The following NRCAM variants were observed in gnomAD, a reference collection of about 807,000 sequenced individuals.
NRCAM encodes the protein neuronal cell adhesion molecule.
A neutral mutation model predicts 156.5 loss-of-function variants in NRCAM; 83 were observed. The observed-to-expected ratio is 0.53, with a 90% CI of 0.44 to 0.64. NRCAM has a LOEUF of 0.64. Ranked by LOEUF, NRCAM falls within the 30% of genes least tolerant of loss-of-function variation. The pLI, the probability that NRCAM is intolerant of heterozygous loss-of-function variation, is 0.00. For missense variants in NRCAM, 1,417 were observed against 1,597.3 expected (o/e 0.89, Z 1.92); for synonymous variants, 538 against 563.9 (o/e 0.95, Z 0.65).
chr7:108,201,504 A>G (rs1204542219), intron 13 of NRCAM, among the ~76,000 whole-genome samples: 1 of 152,246 alleles, frequency 6.6e-6, no homozygotes, highest in Admixed American at 6.5e-5. Flanking sequence ...TCTGTTGCAC[A>G]ATGTGAAAAT....
intron 2 of NRCAM, among the ~76,000 whole-genome samples, chr7:108,359,991 G>A (rs754250267): frequency 6.6e-6 from 1 of 152,054 alleles, no homozygotes; most frequent in Non-Finnish European, 1.5e-5. Flanking sequence ...AGCTGCTTTC[G>A]CTCAACATGG....
intron 2 of NRCAM, among the ~76,000 whole-genome samples, chr7:108,387,568 ACT>A (rs1300619262): frequency 1.3e-5 from 2 of 152,030 alleles, no homozygotes; most frequent in Admixed American, 1.3e-4. Flanking sequence ...TTATTTATTT[ACT>A]TTTTATTATT....
intron 1 of NRCAM, among the ~76,000 whole-genome samples, chr7:108,405,594 C>G (rs2099805016): frequency 6.6e-6 from 1 of 152,214 alleles, no homozygotes; most frequent in South Asian, 2.1e-4. Flanking sequence ...CTTTCTGACC[C>G]TGTTGTGGCA....
At chr7:108,341,357 C>G (rs185617944) in intron 2 of NRCAM, among the ~76,000 whole-genome samples, 1 of 152,222 alleles carries the variant, frequency 6.6e-6, no homozygotes, top group African/African-American at 2.4e-5. Context: ...CAGTCTTACT[C>G]TCCTGTCCCG....
chr7:108,155,101 T>TACACACACAC (rs58111040), intron 32 of NRCAM, among the ~76,000 whole-genome samples: 32 of 123,098 alleles, frequency 2.6e-4, no homozygotes, highest in Non-Finnish European at 4.2e-4. Context: ...TATATATATA[T>TACACACACAC]ACACACACAC....
At chr7:108,349,124 C>A (rs2099392368) in intron 2 of NRCAM, among the ~76,000 whole-genome samples, 1 of 152,070 alleles carries the variant, frequency 6.6e-6, no homozygotes, top group Non-Finnish European at 1.5e-5. Flanking sequence ...GTGACTACAG[C>A]CTAGAAACTG....
At chr7:108,170,216 A>T (rs1033951184) in intron 28 of NRCAM, among the ~76,000 whole-genome samples, 5 of 151,120 alleles carry the variant, frequency 3.3e-5, no homozygotes, top group Admixed American at 6.6e-5. Flanking sequence ...TTCCGACTTT[A>T]AAAAAAAAGG....
At chr7:108,418,898 A>G (rs1395044108) in intron 1 of NRCAM, among the ~76,000 whole-genome samples, 1 of 152,098 alleles carries the variant, frequency 6.6e-6, no homozygotes, top group African/African-American at 2.4e-5. Flanking sequence ...TATTCTGGGG[A>G]AAAAAATCTG....
At chr7:108,242,528 C>G (rs533991431) in intron 3 of NRCAM, among the ~76,000 whole-genome samples, 1 of 152,140 alleles carries the variant, frequency 6.6e-6, no homozygotes, top group Non-Finnish European at 1.5e-5. Context: ...TTAATTAGGT[C>G]TCTCGTGAGT....
chr7:108,162,581 GA>G (rs2151484831), intron 30 of NRCAM, among the ~76,000 whole-genome samples: 1 of 152,362 alleles, frequency 6.6e-6, no homozygotes, highest in South Asian at 2.1e-4. Context: ...CAAGGATGGT[GA>G]CTGCCAAAAT....
Position 108,344,472 on chromosome 7 carries a change from C to G in NRCAM, c.-173-31741G>C, listed in dbSNP as rs138419313. ...TTTGCATGGGAGCTCTGTTTTCACT[C>G]TATTAAATCTTGCAACTGAAAAAAA... On this transcript the variant is annotated intron_variant, in intron 2 of 32. Coordinates refer to ENST00000379028, the MANE Select transcript of NRCAM (RefSeq NM_001037132.4). 1.4e-3 allele frequency among the ~76,000 whole-genome samples: 209 copies of G among 150,230 alleles called. 1 individual carries two copies. Among genetic ancestry groups the G allele is most frequent in the African/African-American group, 4.6e-3 (189 of 41,116 alleles).
At chr7:108,182,634 C>G in intron 23 of NRCAM, 61 bp downstream of exon 23, 1 of 1,497,370 alleles carries the variant, frequency 6.7e-7, no homozygotes, top group Admixed American at 1.7e-5. Flanking sequence ...GAGAAATGGC[C>G]TTGGCTTGCA....
At chr7:108,191,185 T>C in intron 19 of NRCAM, 69 bp downstream of exon 19, 1 of 1,287,034 alleles carries the variant, frequency 7.8e-7, no homozygotes. Context: ...AAAAGAAAGT[T>C]ATGAATACTT....
chr7:108,180,212 C>A lies in NRCAM; in HGVS notation c.2851+11G>T. ...TGTTCCTGAGATCTTAGAGACACGT[C>A]CATTCCATACCTCCTTCTGGAGTAT... On this transcript the variant is annotated intron_variant, in intron 25 of 32. Coordinates refer to ENST00000379028, the MANE Select transcript of NRCAM (RefSeq NM_001037132.4). 6.2e-7 allele frequency: 1 copy of A among 1,612,836 alleles called. No individual in the cohort carries two copies. The highest frequency in any genetic ancestry group is 1.1e-5 in the South Asian group (1 of 90,960).
chr7:108,165,233 T>C (rs2053182568), intron 30 of NRCAM, among the ~76,000 whole-genome samples: 1 of 152,164 alleles, frequency 6.6e-6, no homozygotes, highest in Non-Finnish European at 1.5e-5. Context: ...TTTGTGACCC[T>C]GCAGTGGGGG....
chr7:108,284,175 AT>A (rs1273936177), intron 3 of NRCAM, among the ~76,000 whole-genome samples: 1 of 152,038 alleles, frequency 6.6e-6, no homozygotes, highest in Non-Finnish European at 1.5e-5. Flanking sequence ...CGAAAATTCT[AT>A]TCTACTTTGT....
intron 1 of NRCAM, among the ~76,000 whole-genome samples, chr7:108,439,565 G>A (rs1483660000): frequency 6.6e-6 from 1 of 152,020 alleles, no homozygotes; most frequent in East Asian, 1.9e-4. Context: ...TAATAAAAAA[G>A]ACAGGCAAGC....
chr7:108,441,789 AAAG>A lies in NRCAM; in HGVS notation c.-332+14451_-332+14453del, dbSNP rs1364410585. On this transcript the variant is annotated intron_variant, in intron 1 of 32. Coordinates refer to ENST00000379028, the MANE Select transcript of NRCAM (RefSeq NM_001037132.4). ...AAATCTGGCCTGCCGCCAATTTTGA[AAAG>A]AAAGTTTTACATGGCCATGCCTGTT... 2.0e-5 allele frequency among the ~76,000 whole-genome samples: 3 copies of A among 152,372 alleles called. No homozygotes were observed. The East Asian group carries it at 5.8e-4, about 29-fold the overall frequency.
chr7:108,371,506 T>G (rs1008545014), intron 2 of NRCAM, among the ~76,000 whole-genome samples: 3 of 152,136 alleles, frequency 2.0e-5, no homozygotes, highest in Admixed American at 2.0e-4. Flanking sequence ...GGAGATGATA[T>G]GTTTTCTTTG....
Sources: allele counts gnomAD v4.1 joint callset (sites outside exome capture counted in the v4.1 genomes callset), GRCh38; gene constraint gnomAD v4.1.1; transcripts MANE v1.5; gene names NCBI Gene and HGNC (gene_info 2026-07-23, HGNC 2026-07-21).